MED12L: variants seen among roughly 807,000 people sequenced by gnomAD.
MED12L encodes the protein mediator complex subunit 12L.
MED12L carries 60 observed loss-of-function variants against 281.3 expected under a neutral mutation model. The ratio of observed to expected loss-of-function variants is 0.21; its 90% CI spans 0.17 to 0.26. The LOEUF is 0.26. Among genes scored for constraint, MED12L ranks in the 10% least tolerant of loss-of-function variants. MED12L has a pLI of 1.00. For synonymous variants in MED12L, 974 were observed against 987.2 expected (o/e 0.99, Z 0.25); for missense variants, 2,146 against 2,680.9 (o/e 0.80, Z 4.41).
intron 43 of MED12L, chr3:151,425,566 T>TTG (rs149475948): frequency 0.6 from 229,467 of 383,216 alleles, 60,397 homozygotes; most frequent in Middle Eastern, 0.74. Context: ...TTGTTTTTGT[T>TTG]TGTGTGTGTG....
chr3:151,420,785 G>A (rs1718158848), intron 43 of MED12L, among the ~76,000 whole-genome samples: 1 of 152,174 alleles, frequency 6.6e-6, no homozygotes, highest in African/African-American at 2.4e-5. Flanking sequence ...CAGTGCCTTG[G>A]TCAGAGGCAG....
chr3:151,228,332 A>G (rs569485568), intron 16 of MED12L, among the ~76,000 whole-genome samples: 3 of 152,264 alleles, frequency 2.0e-5, no homozygotes, highest in Non-Finnish European at 2.9e-5. Flanking sequence ...AGCTACATCT[A>G]GGGTTCCTGT....
chr3:151,230,660 G>A (rs1051898428), intron 16 of MED12L, among the ~76,000 whole-genome samples: 5 of 148,914 alleles, frequency 3.4e-5, no homozygotes, highest in African/African-American at 1.0e-4. Flanking sequence ...TATTTTCAAC[G>A]TCTCTTTCTA....
intron 16 of MED12L, chr3:151,295,145 G>A (rs1489475306): frequency 1.1e-5 from 17 of 1,613,258 alleles, no homozygotes; most frequent in African/African-American, 4.0e-5. Flanking sequence ...GTGAAGGGTG[G>A]TGTTCTTTCC....
intron 2 of MED12L, among the ~76,000 whole-genome samples, chr3:151,113,960 A>AC (rs1560059975): frequency 6.6e-6 from 1 of 151,746 alleles, no homozygotes. Flanking sequence ...TAGTAAAAAC[A>AC]TATGCTGTTA....
At chr3:151,206,446 T>C (rs1388302850) in intron 16 of MED12L, among the ~76,000 whole-genome samples, 1 of 152,024 alleles carries the variant, frequency 6.6e-6, no homozygotes, top group Non-Finnish European at 1.5e-5. Flanking sequence ...TGCGTCAACA[T>C]TTCATTTTAC....
intron 5 of MED12L, among the ~76,000 whole-genome samples, chr3:151,132,969 T>G (rs1465971261): frequency 6.6e-6 from 1 of 152,234 alleles, no homozygotes; most frequent in Non-Finnish European, 1.5e-5. Context: ...TTGAATTGGA[T>G]TAAATCACAT....
intron 37 of MED12L, among the ~76,000 whole-genome samples, chr3:151,389,463 C>G (rs1277891773): frequency 1.3e-5 from 2 of 152,124 alleles, no homozygotes; most frequent in Non-Finnish European, 2.9e-5. Context: ...TTTGCAGCTA[C>G]TATAAGGAAG....
chr3:151,207,345 G>T (rs1726519497), intron 16 of MED12L, among the ~76,000 whole-genome samples: 1 of 152,170 alleles, frequency 6.6e-6, no homozygotes, highest in Non-Finnish European at 1.5e-5. Flanking sequence ...GAATGAAAAG[G>T]AATCTTATCA....
intron 16 of MED12L, among the ~76,000 whole-genome samples, chr3:151,257,994 C>A (rs2149483474): frequency 6.6e-6 from 1 of 152,264 alleles, no homozygotes; most frequent in African/African-American, 2.4e-5. Flanking sequence ...TTTGTTTTGG[C>A]CACAAGTTCA....
intron 16 of MED12L, chr3:151,294,860 A>G (rs778347028): frequency 3.1e-6 from 5 of 1,614,070 alleles, no homozygotes; most frequent in South Asian, 2.2e-5. Flanking sequence ...AAGGAACACG[A>G]TGGAAGTATA....
intron 16 of MED12L, among the ~76,000 whole-genome samples, chr3:151,311,214 G>A (rs896070802): frequency 2.0e-5 from 3 of 152,064 alleles, no homozygotes; most frequent in African/African-American, 7.2e-5. Flanking sequence ...GTACATTTTA[G>A]CATTTCTGGG....
intron 16 of MED12L, chr3:151,214,012 T>C (rs1459912102): frequency 6.2e-7 from 1 of 1,613,964 alleles, no homozygotes; most frequent in Non-Finnish European, 8.5e-7. Context: ...CATGTTGACG[T>C]AGAAGAGCAC....
chr3:151,274,174 A>G (rs910335515), intron 16 of MED12L, among the ~76,000 whole-genome samples: 1 of 152,236 alleles, frequency 6.6e-6, no homozygotes, highest in African/African-American at 2.4e-5. Context: ...TAAGCAATTA[A>G]TGTGCACTTT....
chr3:151,174,308 T>A (rs1375363630), intron 11 of MED12L, among the ~76,000 whole-genome samples: 6 of 152,300 alleles, frequency 3.9e-5, no homozygotes, highest in Admixed American at 1.3e-4. Flanking sequence ...CCTGTATGAC[T>A]TTCTGTTATG....
At chr3:151,263,795 G>A (rs1739349066) in intron 16 of MED12L, among the ~76,000 whole-genome samples, 2 of 152,140 alleles carry the variant, frequency 1.3e-5, no homozygotes, top group Non-Finnish European at 2.9e-5. Context: ...GTGACTCTTG[G>A]TAAAATACCT....
chr3:151,394,962 CATATCCCTGTAT>C, intron 39 of MED12L, 95 bp downstream of exon 39: 1 of 1,502,032 alleles, frequency 6.7e-7, no homozygotes. Flanking sequence ...TTTCTGTATG[CATATCCCTGTAT>C]ACTTGTGTGA....
chr3:151,245,887 A>G (rs1392876164), intron 16 of MED12L, among the ~76,000 whole-genome samples: 11 of 151,726 alleles, frequency 7.2e-5, no homozygotes, highest in Non-Finnish European at 1.2e-4. Flanking sequence ...TTTCAGCCCA[A>G]AATCTCCTTA....
intron 2 of MED12L, among the ~76,000 whole-genome samples, chr3:151,089,384 A>G (rs901739460): frequency 6.6e-6 from 1 of 151,454 alleles, no homozygotes; most frequent in Non-Finnish European, 1.5e-5. Context: ...TAATGGAGGA[A>G]GTGTGGGCTT....
Sources: allele counts gnomAD v4.1 joint callset (sites outside exome capture counted in the v4.1 genomes callset), GRCh38; gene constraint gnomAD v4.1.1; transcripts MANE v1.5; gene names NCBI Gene and HGNC (gene_info 2026-07-23, HGNC 2026-07-21).